CCDC138: variants seen among roughly 807,000 people sequenced by gnomAD.
The protein encoded by CCDC138 is coiled-coil domain-containing protein 138.
In CCDC138, 66 loss-of-function variants were observed where a neutral mutation model predicts 82.3. The ratio of observed to expected loss-of-function variants is 0.80; its 90% CI spans 0.66 to 0.98. The LOEUF (loss-of-function observed/expected upper bound fraction) is 0.98, where lower values mean the gene tolerates loss of function less well. CCDC138 is among the 50% of genes least tolerant of loss of function. CCDC138 has a pLI of 0.00. For synonymous variants in CCDC138, 297 were observed against 265.4 expected (o/e 1.12, Z -1.16); for missense variants, 816 against 758.9 (o/e 1.08, Z -0.88).
intron 10 of CCDC138, among the ~76,000 whole-genome samples, chr2:108,830,191 A>T (rs1357712341): frequency 6.6e-6 from 1 of 152,214 alleles, no homozygotes; most frequent in African/African-American, 2.4e-5. Context: ...GCTTCCGTGC[A>T]TGCAGTACCT....
chr2:108,794,465 C>T, intron 4 of CCDC138, 75 bp from the exon 5 acceptor site: 1 of 1,328,006 alleles, frequency 7.5e-7, no homozygotes, highest in Non-Finnish European at 1.0e-6. Flanking sequence ...AGCATCTCTT[C>T]CTAAAGGTTA....
chr2:108,829,743 C>T (rs1373454228), intron 10 of CCDC138, among the ~76,000 whole-genome samples: 5 of 152,072 alleles, frequency 3.3e-5, no homozygotes, highest in African/African-American at 7.2e-5. Context: ...GAGACTGTGT[C>T]AATACATACA....
chr2:108,848,616 T>C lies in CCDC138; in HGVS notation c.1516+1686T>C, dbSNP rs77026546. ...TGTATAATACCAGTTAAAATTCTAA[T>C]ATAGTTTGCGTAAGTTGAGGAAGTG... On this transcript the variant is annotated intron_variant, in intron 12 of 14. Coordinates refer to ENST00000295124, the MANE Select transcript of CCDC138 (RefSeq NM_144978.3). Among the ~76,000 whole-genome samples, 475 of 152,318 alleles carry C rather than the reference T, an allele frequency of 3.1e-3. 1 individual carries two copies. The highest frequency in any genetic ancestry group is 0.02 in the Middle Eastern group (6 of 294).
chr2:108,788,895 A>G lies in CCDC138; in HGVS notation c.195A>G (p.Leu65=). 6.2e-7 allele frequency: 1 copy of G among 1,614,148 alleles called. No individual in the cohort carries two copies. Among genetic ancestry groups the G allele is most frequent in the Non-Finnish European group, 8.5e-7 (1 of 1,179,992 alleles). The change falls in exon 3 of 15, where the codon TTA becomes TTG. Residue 65 remains leucine (L), a synonymous_variant. Transcript: ENST00000295124. ...CTGGAGATAAAGTTGGTTCATCGTTAAAATATTCTGATGAAAGCAAGCATT... is the reference window on the plus strand; with the variant it reads ...CTGGAGATAAAGTTGGTTCATCGTTGAAATATTCTGATGAAAGCAAGCATT... The part of the protein sequence containing the change: ...IYSGDKVGSS[L]KYSDESKHCR...
At chr2:108,844,832 C>T (rs1383490703) in intron 11 of CCDC138, among the ~76,000 whole-genome samples, 1 of 151,288 alleles carries the variant, frequency 6.6e-6, no homozygotes, top group Non-Finnish European at 1.5e-5. Context: ...ACTGCAACCT[C>T]CGACTCCCAG....
chr2:108,789,784 T>C (rs529343060), intron 3 of CCDC138, among the ~76,000 whole-genome samples: 1 of 152,238 alleles, frequency 6.6e-6, no homozygotes, highest in Admixed American at 6.5e-5. Context: ...GAAGTTGCCG[T>C]TCTGTAAGGA....
intron 11 of CCDC138, among the ~76,000 whole-genome samples, 197 bp from the exon 12 acceptor site, chr2:108,846,541 G>A (rs1478022239): frequency 1.3e-5 from 2 of 151,684 alleles, no homozygotes; most frequent in African/African-American, 2.4e-5. Context: ...CCTGAGTGTG[G>A]TAGTGAGTGC....
At chr2:108,841,004 TTTTGTTTGTTTGTTTG>T (rs374254343) in intron 11 of CCDC138, among the ~76,000 whole-genome samples, 1 of 151,482 alleles carries the variant, frequency 6.6e-6, no homozygotes, top group Non-Finnish European at 1.5e-5. Flanking sequence ...TGTGTGTGTT[TTTTGTTTGTTTGTTTG>T]TTTGTTTGTT....
intron 7 of CCDC138, among the ~76,000 whole-genome samples, chr2:108,811,226 C>T (rs1277946209): frequency 7.7e-6 from 1 of 130,052 alleles, no homozygotes; most frequent in Non-Finnish European, 1.6e-5. Context: ...TCTTCTCTCC[C>T]TTTTCTTTCT....
In CCDC138 at chr2:108,812,883, A is replaced by G. The variant is rs1398353692; in HGVS notation, c.997A>G (p.Lys333Glu). ...KGSSHAVHEM[K>E]SLKQEKAPVS... ...AAGTTCCCATGCTGTTCATGAAATG[A>G]AAAGTTTAAAACAAGAAAAAGCACC... The change falls in exon 9 of 15, where the codon AAA becomes GAA. Residue 333 changes from lysine (K) to glutamate (E), a missense_variant. By Grantham distance (56) the Lys-to-Glu change is moderately conservative (BLOSUM62 1). Coordinates refer to ENST00000295124, the MANE Select transcript of CCDC138 (RefSeq NM_144978.3). 6.2e-7 allele frequency: 1 copy of G among 1,613,804 alleles called. No individual in the cohort carries two copies. Among genetic ancestry groups the G allele is most frequent in the Non-Finnish European group, 8.5e-7 (1 of 1,179,792 alleles).
At chr2:108,812,483 G>A (rs1684038343) in intron 7 of CCDC138, 148 bp from the exon 8 acceptor site, 1 of 608,498 alleles carries the variant, frequency 1.6e-6, no homozygotes, top group South Asian at 2.3e-5. Flanking sequence ...GACAACTTCA[G>A]TTGTGATCTA....
In CCDC138 at chr2:108,788,876, A is replaced by G. The variant is rs147437740; in HGVS notation, c.176A>G (p.Asp59Gly). The change falls in exon 3 of 15, where the codon GAT (aspartate) becomes GGT (glycine). Residue 59 changes from aspartate to glycine, a missense_variant. By Grantham distance (94) the Asp-to-Gly change is moderately conservative (BLOSUM62 -1). Transcript: ENST00000295124. ...SPGDLDIYSG[D>G]KVGSSLKYSD... ...GGTGATTTGGATATCTACTCTGGAG[A>G]TAAAGTTGGTTCATCGTTAAAATAT... 1.2e-6 allele frequency: 2 copies of G among 1,614,102 alleles called. No individual in the cohort carries two copies. The highest frequency in any genetic ancestry group is 2.2e-5 in the East Asian group (1 of 44,858).
At chr2:108,788,447 G>T (rs531111177) in intron 2 of CCDC138, among the ~76,000 whole-genome samples, 1 of 151,318 alleles carries the variant, frequency 6.6e-6, no homozygotes, top group Non-Finnish European at 1.5e-5. Context: ...GGCTGCGCGC[G>T]GTGGCTCACG....
At chr2:108,817,291 T>C (rs543458737) in intron 10 of CCDC138, among the ~76,000 whole-genome samples, 2 of 151,644 alleles carry the variant, frequency 1.3e-5, no homozygotes, top group African/African-American at 4.9e-5. Flanking sequence ...ATTCAGATAA[T>C]CTTTTTTCTT....
intron 1 of CCDC138, chr2:108,882,244 C>A (rs1161734763): frequency 1.3e-5 from 2 of 151,890 alleles, no homozygotes; most frequent in Non-Finnish European, 2.9e-5. Context: ...TTGAAAAATG[C>A]AAATTACCAA....
At chr2:108,851,544 C>T (rs974084395) in intron 12 of CCDC138, among the ~76,000 whole-genome samples, 10 of 152,112 alleles carry the variant, frequency 6.6e-5, no homozygotes, top group African/African-American at 1.9e-4. Flanking sequence ...TCAGGTGATC[C>T]GCCCACCTCA....
At position 108,788,924 on chromosome 2, in the gene CCDC138, G is replaced by GAAC; in HGVS notation, c.226_228dup (p.Thr76dup). On this transcript the variant is annotated inframe_insertion, in exon 3 of 15. Transcript: ENST00000295124. ...TATTCTGATGAAAGCAAGCATTGTAGAACACCATTGGGCAGCTTATTCAAG... is the reference window on the plus strand; with the variant it reads ...TATTCTGATGAAAGCAAGCATTGTAGAACAACACCATTGGGCAGCTTATTCAAG... The GAAC allele has an allele frequency of 6.2e-7, 1 of 1,614,124 alleles. No individual in the cohort carries two copies. Among genetic ancestry groups the GAAC allele is most frequent in the Non-Finnish European group, 8.5e-7 (1 of 1,180,002 alleles).
intron 10 of CCDC138, among the ~76,000 whole-genome samples, chr2:108,830,765 G>A (rs893345536): frequency 6.6e-6 from 1 of 151,858 alleles, no homozygotes; most frequent in Admixed American, 6.6e-5. Flanking sequence ...CTGAGATCAC[G>A]CCATTGCACT....
chr2:108,826,804 A>G (rs1558683983), intron 10 of CCDC138, among the ~76,000 whole-genome samples: 1 of 152,202 alleles, frequency 6.6e-6, no homozygotes, highest in Non-Finnish European at 1.5e-5. Flanking sequence ...TTGATTAAGG[A>G]CTGCATTGAA....
Sources: allele counts gnomAD v4.1 joint callset (sites outside exome capture counted in the v4.1 genomes callset), GRCh38; gene constraint gnomAD v4.1.1; transcripts MANE v1.5; gene names NCBI Gene and HGNC (gene_info 2026-07-23, HGNC 2026-07-21).